CIMAP2: variants seen among roughly 807,000 people sequenced by gnomAD.
The protein encoded by CIMAP2 is ciliary microtubule-associated protein 2.
At chr1:54,817,011 A>G in the CIMAP2 span, 1 of 1,614,152 alleles carries the variant, frequency 6.2e-7, no homozygotes, top group Non-Finnish European at 8.5e-7. Context: ...GTGGGCCGCT[A>G]CCTCAACACC....
At chr1:54,841,529 A>G in the CIMAP2 span, 2 of 1,601,436 alleles carry the variant, frequency 1.2e-6, no homozygotes, top group East Asian at 2.2e-5. Flanking sequence ...TCCAGGGACT[A>G]TGATTTTATA....
the CIMAP2 span, chr1:54,811,773 G>GTCCCCC: frequency 7.5e-7 from 1 of 1,325,050 alleles, no homozygotes; most frequent in Non-Finnish European, 1.0e-6. Context: ...CAGCCTCCAT[G>GTCCCCC]CCCCCACCCC....
chr1:54,841,482 T>A, the CIMAP2 span: 2 of 1,412,360 alleles, frequency 1.4e-6, no homozygotes, highest in Admixed American at 4.3e-5. Context: ...CTCTCTCTGG[T>A]CCTTGGTCTT....
chr1:54,834,063 C>T, the CIMAP2 span, among the ~76,000 whole-genome samples: 23 of 152,272 alleles, frequency 1.5e-4, no homozygotes, highest in African/African-American at 5.5e-4. Context: ...GTCTCAAACT[C>T]CTGACCTCAA....
At chr1:54,828,295 G>C in the CIMAP2 span, among the ~76,000 whole-genome samples, 1 of 151,502 alleles carries the variant, frequency 6.6e-6, no homozygotes, top group South Asian at 2.1e-4. Context: ...ATAACAAATG[G>C]AAAATTAATT....
the CIMAP2 span, among the ~76,000 whole-genome samples, chr1:54,811,104 A>G: frequency 2.0e-5 from 3 of 152,200 alleles, no homozygotes; most frequent in African/African-American, 7.2e-5. Context: ...GGAAGACAGT[A>G]TTCCTATCCC....
At chr1:54,835,191 GTTTGTTT>G in the CIMAP2 span, among the ~76,000 whole-genome samples, 1 of 152,114 alleles carries the variant, frequency 6.6e-6, no homozygotes, top group Non-Finnish European at 1.5e-5. Flanking sequence ...TGGTTTGTTT[GTTTGTTT>G]TTTGTTTTTT....
At chr1:54,826,057 G>A in the CIMAP2 span, among the ~76,000 whole-genome samples, 8 of 152,324 alleles carry the variant, frequency 5.3e-5, no homozygotes, top group East Asian at 1.3e-3. Flanking sequence ...AGGGCTCCCT[G>A]ACGGTGTACA....
the CIMAP2 span, among the ~76,000 whole-genome samples, chr1:54,835,366 AAT>A: frequency 1.3e-5 from 2 of 151,886 alleles, no homozygotes; most frequent in Non-Finnish European, 2.9e-5. Context: ...TAATTTTTGT[AAT>A]GTTTGTACAG....
the CIMAP2 span, among the ~76,000 whole-genome samples, chr1:54,839,186 C>T: frequency 2.7e-4 from 41 of 152,102 alleles, no homozygotes; most frequent in African/African-American, 9.9e-4. Flanking sequence ...GCAAAAACTT[C>T]AGGACATATC....
At chr1:54,811,773 G>GCCCCCTCCC in the CIMAP2 span, 2 of 1,325,052 alleles carry the variant, frequency 1.5e-6, no homozygotes, top group African/African-American at 1.8e-5. Context: ...CAGCCTCCAT[G>GCCCCCTCCC]CCCCCACCCC....
chr1:54,842,038 C>T, the CIMAP2 span: 29 of 675,608 alleles, frequency 4.3e-5, no homozygotes, highest in Non-Finnish European at 6.5e-5. Context: ...GAGCTGCATA[C>T]CTGAAGGTCA....
At chr1:54,825,883 G>A in the CIMAP2 span, among the ~76,000 whole-genome samples, 2 of 152,046 alleles carry the variant, frequency 1.3e-5, no homozygotes, top group Non-Finnish European at 2.9e-5. Flanking sequence ...GGTGGTGTGT[G>A]AGTGGGTGCC....
At chr1:54,807,967 G>A in the CIMAP2 span, 3 of 1,606,378 alleles carry the variant, frequency 1.9e-6, no homozygotes, top group South Asian at 2.2e-5. Flanking sequence ...TAGCACCCGG[G>A]GGCTGCTCAG....
chr1:54,810,735 A>G, the CIMAP2 span, among the ~76,000 whole-genome samples: 39 of 152,200 alleles, frequency 2.6e-4, no homozygotes, highest in Non-Finnish European at 5.1e-4. Context: ...CACTCTGCCT[A>G]CAAAATCACG....
At chr1:54,824,206 A>AT in the CIMAP2 span, among the ~76,000 whole-genome samples, 1 of 151,814 alleles carries the variant, frequency 6.6e-6, no homozygotes, top group Admixed American at 6.6e-5. Context: ...TTTACTTTTT[A>AT]TTTTTTGTAG....
chr1:54,835,831 T>A, the CIMAP2 span, among the ~76,000 whole-genome samples: 3 of 151,666 alleles, frequency 2.0e-5, no homozygotes, highest in South Asian at 6.3e-4. Context: ...AGGACTTCTC[T>A]CTCTCTGTCC....
chr1:54,839,940 T>C, the CIMAP2 span, among the ~76,000 whole-genome samples: 6 of 152,062 alleles, frequency 3.9e-5, no homozygotes, highest in South Asian at 1.2e-3. Context: ...TGTAGAGACA[T>C]GCTTTTGCTA....
chr1:54,811,768 TCCATGCCCCCA>T, the CIMAP2 span: 1 of 533,354 alleles, frequency 1.9e-6, no homozygotes, highest in Non-Finnish European at 3.7e-6. Flanking sequence ...TCTGACAGCC[TCCATGCCCCCA>T]CCCCCGCCCC....
Sources: gnomAD v4.1 joint callset for allele counts (sites outside exome capture counted in the v4.1 genomes callset) on GRCh38, gnomAD v4.1.1 for gene constraint, MANE v1.5 for transcripts, NCBI Gene and HGNC (gene_info 2026-07-23, HGNC 2026-07-21) for gene names.